SEMA3A: variants seen among roughly 807,000 people sequenced by gnomAD.
SEMA3A encodes the protein semaphorin-3A.
SEMA3A carries 29 observed loss-of-function variants against 97.9 expected under a neutral mutation model. That is an observed-to-expected ratio of 0.30 (90% confidence interval 0.22 to 0.40). The LOEUF is 0.40. Among genes scored for constraint, SEMA3A ranks in the 10% least tolerant of loss-of-function variants. SEMA3A has a pLI of 1.00. For synonymous variants in SEMA3A, 321 were observed against 323.7 expected (o/e 0.99, Z 0.09); for missense variants, 763 against 951.3 (o/e 0.80, Z 2.60).
chr7:84,055,167 G>T (rs912205240), intron 5 of SEMA3A, among the ~76,000 whole-genome samples: 1 of 152,110 alleles, frequency 6.6e-6, no homozygotes, highest in African/African-American at 2.4e-5. Flanking sequence ...GTTTGTCTGT[G>T]CCCTGCCCCC....
At chr7:84,420,458 A>C (rs1562940863) in intron 1 of SEMA3A, among the ~76,000 whole-genome samples, 2 of 152,100 alleles carry the variant, frequency 1.3e-5, no homozygotes, top group African/African-American at 4.8e-5. Context: ...AAAAGTCAGA[A>C]GAAAATAACA....
intron 2 of SEMA3A, among the ~76,000 whole-genome samples, chr7:84,327,435 G>C (rs934121439): frequency 3.3e-5 from 5 of 151,664 alleles, no homozygotes; most frequent in African/African-American, 1.2e-4. Flanking sequence ...AGAAAAGCAG[G>C]TAGGCAAAGG....
intron 4 of SEMA3A, among the ~76,000 whole-genome samples, chr7:84,106,035 G>A (rs547831888): frequency 6.6e-6 from 1 of 152,244 alleles, no homozygotes; most frequent in African/African-American, 2.4e-5. Flanking sequence ...ATTCCCAAAT[G>A]TACCACAGGA....
intron 3 of SEMA3A, among the ~76,000 whole-genome samples, chr7:84,282,271 C>CT (rs1285650212): frequency 6.6e-6 from 1 of 152,120 alleles, no homozygotes; most frequent in African/African-American, 2.4e-5. Flanking sequence ...CTAGTTGACT[C>CT]TTTTTTGCAT....
chr7:84,407,325 A>C (rs974672350), intron 1 of SEMA3A, among the ~76,000 whole-genome samples: 6 of 152,180 alleles, frequency 3.9e-5, no homozygotes, highest in African/African-American at 1.2e-4. Context: ...GCCTAGGAAT[A>C]CAACTTACAA....
At chr7:84,038,726 A>G (rs1792031058) in intron 6 of SEMA3A, among the ~76,000 whole-genome samples, 1 of 152,254 alleles carries the variant, frequency 6.6e-6, no homozygotes, top group South Asian at 2.1e-4. Flanking sequence ...TAATTTATTG[A>G]AAAAAATTTA....
chr7:84,215,900 TA>T (rs548446626), intron 3 of SEMA3A, among the ~76,000 whole-genome samples: 44 of 152,168 alleles, frequency 2.9e-4, no homozygotes, highest in Non-Finnish European at 4.6e-4. Context: ...TAGTGTCAGT[TA>T]AAAATGTATA....
intron 3 of SEMA3A, among the ~76,000 whole-genome samples, chr7:84,219,783 A>G (rs1252810397): frequency 1.3e-5 from 2 of 152,148 alleles, no homozygotes; most frequent in Non-Finnish European, 1.5e-5. Context: ...GCTTCTCCAC[A>G]GCACTTGCTG....
intron 3 of SEMA3A, among the ~76,000 whole-genome samples, chr7:84,215,713 G>A (rs1298921280): frequency 6.6e-6 from 1 of 152,170 alleles, no homozygotes; most frequent in East Asian, 1.9e-4. Context: ...ATTTGGAATT[G>A]TGCCTGGGAC....
intron 3 of SEMA3A, among the ~76,000 whole-genome samples, chr7:84,113,200 G>A (rs1351288836): frequency 1.3e-5 from 2 of 152,160 alleles, no homozygotes; most frequent in African/African-American, 4.8e-5. Context: ...GAGACTCATC[G>A]AAAACAATGG....
intron 4 of SEMA3A, among the ~76,000 whole-genome samples, chr7:84,094,612 A>C (rs1174195946): frequency 6.6e-6 from 1 of 152,126 alleles, no homozygotes; most frequent in Admixed American, 6.6e-5. Flanking sequence ...TCAAAATCTT[A>C]GAAAATACTA....
At chr7:84,082,459 TTAAGG>T (rs1251343520) in intron 4 of SEMA3A, among the ~76,000 whole-genome samples, 2 of 152,160 alleles carry the variant, frequency 1.3e-5, no homozygotes, top group Non-Finnish European at 2.9e-5. Context: ...TCCTGAGAAG[TTAAGG>T]TAACTTCTAA....
At chr7:84,000,822 T>TTTTC (rs1194363659) in intron 12 of SEMA3A, among the ~76,000 whole-genome samples, 1 of 152,180 alleles carries the variant, frequency 6.6e-6, no homozygotes, top group Non-Finnish European at 1.5e-5. Flanking sequence ...ATACCTCATT[T>TTTTC]TTTCTTTAAA....
At chr7:84,131,377 T>C (rs1314162983) in intron 2 of SEMA3A, among the ~76,000 whole-genome samples, 2 of 152,176 alleles carry the variant, frequency 1.3e-5, no homozygotes, top group African/African-American at 2.4e-5. Flanking sequence ...TTTCTTATTC[T>C]CATTTTCAAA....
intron 3 of SEMA3A, among the ~76,000 whole-genome samples, chr7:84,280,479 A>G (rs920285296): frequency 6.6e-6 from 1 of 152,064 alleles, no homozygotes; most frequent in Non-Finnish European, 1.5e-5. Flanking sequence ...ACATCTCTTT[A>G]TTCTTTAAAA....
At chr7:84,378,040 G>A (rs768347235) in intron 1 of SEMA3A, among the ~76,000 whole-genome samples, 11 of 152,008 alleles carry the variant, frequency 7.2e-5, no homozygotes, top group Middle Eastern at 3.4e-3. Flanking sequence ...TTTCTCCTTG[G>A]CCAGAAGAGG....
At chr7:84,311,087 C>T (rs1371056667) in intron 2 of SEMA3A, among the ~76,000 whole-genome samples, 19 of 151,518 alleles carry the variant, frequency 1.3e-4, no homozygotes. Flanking sequence ...TAAGTAATTT[C>T]AAACAATCTT....
At chr7:83,990,574 G>A (rs1042282919) in intron 12 of SEMA3A, among the ~76,000 whole-genome samples, 1 of 120,388 alleles carries the variant, frequency 8.3e-6, no homozygotes, top group Non-Finnish European at 1.8e-5. Flanking sequence ...ATTAAATAGG[G>A]AATCCTTTCC....
intron 4 of SEMA3A, among the ~76,000 whole-genome samples, chr7:84,062,855 C>A (rs1365639875): frequency 1.0e-5 from 1 of 99,268 alleles, no homozygotes; most frequent in Non-Finnish European, 1.8e-5. Context: ...GGGCGTCCGC[C>A]ATTGCCAAAC....
Sources: allele counts gnomAD v4.1 joint callset (sites outside exome capture counted in the v4.1 genomes callset), GRCh38; gene constraint gnomAD v4.1.1; transcripts MANE v1.5; gene names NCBI Gene and HGNC (gene_info 2026-07-23, HGNC 2026-07-21).